Variants in CTNNA2 observed in about 807,000 individuals in gnomAD.
The protein encoded by CTNNA2 is catenin alpha-2.
CTNNA2 carries 42 observed loss-of-function variants against 101.0 expected under a neutral mutation model. The observed-to-expected ratio is 0.42, with a 90% CI of 0.32 to 0.54. The LOEUF (loss-of-function observed/expected upper bound fraction) is 0.54. Ranked by LOEUF, CTNNA2 falls within the 20% of genes least tolerant of loss-of-function variation. The probability of loss-of-function intolerance (pLI) is 0.14; values close to 1 mark genes in which losing one functional copy is unlikely to be tolerated. For synonymous variants in CTNNA2, 450 were observed against 456.4 expected (o/e 0.99, Z 0.18); for missense variants, 871 against 1,223.1 (o/e 0.71, Z 4.29).
At chr2:80,610,151 C>T (rs925918376) in intron 17 of CTNNA2, among the ~76,000 whole-genome samples, 7 of 151,722 alleles carry the variant, frequency 4.6e-5, no homozygotes, top group East Asian at 1.9e-4. Context: ...CTGTCATGGG[C>T]CTGCTCTTGG....
chr2:80,527,693 C>G (rs1690161163), intron 9 of CTNNA2, among the ~76,000 whole-genome samples: 1 of 152,048 alleles, frequency 6.6e-6, no homozygotes, highest in African/African-American at 2.4e-5. Context: ...ATCTCTGAGG[C>G]CTCTCCCTGG....
chr2:79,897,265 G>A (rs1684779855), intron 6 of CTNNA2, among the ~76,000 whole-genome samples: 1 of 151,506 alleles, frequency 6.6e-6, no homozygotes, highest in African/African-American at 2.4e-5. Context: ...TTGAAGGTTT[G>A]AGGCCAGTGG....
chr2:80,631,809 T>G (rs186326652), intron 18 of CTNNA2, among the ~76,000 whole-genome samples: 1 of 152,170 alleles, frequency 6.6e-6, no homozygotes, highest in African/African-American at 2.4e-5. Context: ...GTCTATTAGC[T>G]AGCAAGTTCT....
chr2:80,135,157 G>GAT lies in CTNNA2; in HGVS notation c.1056+225361_1056+225362dup, dbSNP rs1297125679. ...CTGAGGATTTGTGGTCTGGTGTGGGGATTAGGCTTGGGTGATGCAGTTCAG... is the reference window on the plus strand; with the variant it reads ...CTGAGGATTTGTGGTCTGGTGTGGGGATATTAGGCTTGGGTGATGCAGTTCAG... On this transcript the variant is annotated intron_variant, in intron 7 of 18. Transcript: ENST00000402739. Among the ~76,000 whole-genome samples, 4 of 152,186 alleles carry GAT rather than the reference G, an allele frequency of 2.6e-5. No individual in the cohort carries two copies. In the East Asian group the frequency reaches 7.7e-4, roughly 29 times the overall value.
At chr2:80,395,828 T>C (rs1293547239) in intron 8 of CTNNA2, among the ~76,000 whole-genome samples, 1 of 152,228 alleles carries the variant, frequency 6.6e-6, no homozygotes, top group Non-Finnish European at 1.5e-5. Context: ...TGTATTCCTT[T>C]GTATAATATT....
At chr2:80,485,779 T>G (rs1686526886) in intron 9 of CTNNA2, among the ~76,000 whole-genome samples, 1 of 152,160 alleles carries the variant, frequency 6.6e-6, no homozygotes, top group Non-Finnish European at 1.5e-5. Context: ...ACTTTCTAGT[T>G]TCACAGATTT....
At chr2:80,523,193 T>C (rs920022165) in intron 9 of CTNNA2, among the ~76,000 whole-genome samples, 1 of 152,194 alleles carries the variant, frequency 6.6e-6, no homozygotes, top group Admixed American at 6.5e-5. Flanking sequence ...AAACCACTTG[T>C]AGCAATCTTG....
chr2:79,344,695 C>A (rs1215725530), intron 3 of CTNNA2, among the ~76,000 whole-genome samples: 4 of 151,248 alleles, frequency 2.6e-5, no homozygotes, highest in Admixed American at 6.6e-5. Context: ...TTTTAAAAAA[C>A]CAATTTTGTA....
chr2:80,113,944 C>G (rs1288709391), intron 7 of CTNNA2, among the ~76,000 whole-genome samples: 8 of 152,146 alleles, frequency 5.3e-5, no homozygotes, highest in Admixed American at 5.2e-4. Context: ...CTATGGCCAC[C>G]TATTTATTCA....
chr2:80,359,966 T>C (rs1008347102), intron 7 of CTNNA2, among the ~76,000 whole-genome samples: 1 of 152,208 alleles, frequency 6.6e-6, no homozygotes, highest in African/African-American at 2.4e-5. Flanking sequence ...AATCTGTCAG[T>C]AAATTTGGGG....
chr2:79,435,173 GGGA>G (rs1678700062), intron 4 of CTNNA2, among the ~76,000 whole-genome samples: 2 of 152,020 alleles, frequency 1.3e-5, no homozygotes, highest in Admixed American at 1.3e-4. Flanking sequence ...TTGGTGGTGG[GGGA>G]GAAGTATGTT....
At chr2:79,541,348 C>T (rs1487395329) in intron 1 of CTNNA2, among the ~76,000 whole-genome samples, 1 of 149,874 alleles carries the variant, frequency 6.7e-6, no homozygotes, top group Non-Finnish European at 1.5e-5. Context: ...TATATATACA[C>T]ACACACAATG....
At chr2:79,610,287 G>A (rs1005838635) in intron 1 of CTNNA2, among the ~76,000 whole-genome samples, 1 of 152,030 alleles carries the variant, frequency 6.6e-6, no homozygotes, top group African/African-American at 2.4e-5. Context: ...GTGGAGAATT[G>A]TTTCTCTTCT....
intron 15 of CTNNA2, among the ~76,000 whole-genome samples, chr2:80,593,869 C>T (rs539778022): frequency 6.6e-6 from 1 of 152,180 alleles, no homozygotes; most frequent in South Asian, 2.1e-4. Context: ...TTTTCTTTAT[C>T]CACTCATCTC....
At chr2:79,732,056 TA>T (rs1038841838) in intron 2 of CTNNA2, among the ~76,000 whole-genome samples, 18 of 152,188 alleles carry the variant, frequency 1.2e-4, no homozygotes, top group African/African-American at 4.3e-4. Context: ...TAAGCTTATT[TA>T]AAATGTCTAT....
chr2:79,781,992 T>C (rs926172597), intron 3 of CTNNA2, among the ~76,000 whole-genome samples: 7 of 152,210 alleles, frequency 4.6e-5, no homozygotes, highest in Non-Finnish European at 8.8e-5. Flanking sequence ...CTTTTCCTTT[T>C]ACACCTACTC....
At chr2:79,455,964 G>GA (rs1348064846) in intron 4 of CTNNA2, among the ~76,000 whole-genome samples, 2 of 151,992 alleles carry the variant, frequency 1.3e-5, no homozygotes, top group African/African-American at 4.8e-5. Flanking sequence ...TACAAAGGTT[G>GA]AGAGTATCCA....
chr2:80,497,881 G>A (rs1181536364), intron 9 of CTNNA2, among the ~76,000 whole-genome samples: 1 of 152,074 alleles, frequency 6.6e-6, no homozygotes, highest in Non-Finnish European at 1.5e-5. Flanking sequence ...CAACCAGTGA[G>A]CTTGGAAGGG....
At chr2:79,655,627 G>A (rs140952713) in intron 2 of CTNNA2, among the ~76,000 whole-genome samples, 3 of 152,162 alleles carry the variant, frequency 2.0e-5, no homozygotes, top group East Asian at 1.9e-4. Flanking sequence ...TCAGGAGTTC[G>A]AGATTAGCCT....
Sources: gnomAD v4.1 joint callset for allele counts (sites outside exome capture counted in the v4.1 genomes callset) on GRCh38, gnomAD v4.1.1 for gene constraint, MANE v1.5 for transcripts, NCBI Gene and HGNC (gene_info 2026-07-23, HGNC 2026-07-21) for gene names.